The following ZFPM2 variants were observed in gnomAD, a reference collection of about 807,000 sequenced individuals.
The protein encoded by ZFPM2 is zinc finger protein ZFPM2.
In ZFPM2, 20 loss-of-function variants were observed where a neutral mutation model predicts 98.6. The ratio of observed to expected loss-of-function variants is 0.20; its 90% CI spans 0.14 to 0.29. The LOEUF (loss-of-function observed/expected upper bound fraction) is 0.29, where lower values mean the gene tolerates loss of function less well. Ranked by LOEUF, ZFPM2 falls within the 10% of genes least tolerant of loss-of-function variation. The pLI, the probability that ZFPM2 is intolerant of heterozygous loss-of-function variation, is 1.00. For missense variants in ZFPM2, 1,310 were observed against 1,388.6 expected (o/e 0.94, Z 0.90); for synonymous variants, 518 against 502.7 (o/e 1.03, Z -0.41).
At chr8:105,475,699 T>C (rs1249155448) in intron 3 of ZFPM2, among the ~76,000 whole-genome samples, 1 of 152,238 alleles carries the variant, frequency 6.6e-6, no homozygotes, top group Non-Finnish European at 1.5e-5. Context: ...GGTTTTTTCA[T>C]GTGAATAAGC....
rs755946545 is a variant in ZFPM2 at position 105,801,962 on chromosome 8, A to G, written c.1880A>G (p.Asn627Ser). 1.4e-5 allele frequency: 23 copies of G among 1,613,752 alleles called. No homozygotes were observed. The South Asian group carries it at 1.5e-4, about 11-fold the overall frequency. ...ENPLLQTSCI[N>S]SSTVLDLIGP... ...CCACTTCTTCAAACATCTTGCATCAATTCTTCCACTGTCTTAGATTTAATT... is the reference window on the plus strand; with the variant it reads ...CCACTTCTTCAAACATCTTGCATCAGTTCTTCCACTGTCTTAGATTTAATT... Residue 627 changes from asparagine to serine, a missense_variant, in exon 8 of 8, where the codon AAT (asparagine) becomes AGT (serine). Asn to Ser is a conservative substitution (Grantham distance 46). Transcript: ENST00000407775.
intron 3 of ZFPM2, 43 bp from the exon 4 acceptor site, chr8:105,561,320 G>T (rs1815129834): frequency 6.7e-7 from 1 of 1,495,982 alleles, no homozygotes; most frequent in South Asian, 1.1e-5. Context: ...TGCTGATAAA[G>T]TACAAGTAAG....
At chr8:105,578,463 A>G in intron 4 of ZFPM2, among the ~76,000 whole-genome samples, 1 of 152,076 alleles carries the variant, frequency 6.6e-6, no homozygotes, top group East Asian at 1.9e-4. Context: ...AATATCTTTT[A>G]TCATCAAACA....
chr8:105,791,100 T>A (rs2131143510), intron 6 of ZFPM2, among the ~76,000 whole-genome samples: 1 of 152,314 alleles, frequency 6.6e-6, no homozygotes, highest in East Asian at 1.9e-4. Flanking sequence ...CCTGCCTAAT[T>A]GCCCTGGCCA....
intron 1 of ZFPM2, among the ~76,000 whole-genome samples, chr8:105,393,567 C>T (rs958694691): frequency 3.3e-5 from 5 of 152,032 alleles, no homozygotes; most frequent in African/African-American, 1.2e-4. Flanking sequence ...AATGCAAAGA[C>T]AAATTTCAGC....
At position 105,801,843 on chromosome 8, in the gene ZFPM2, G is replaced by A; in HGVS notation, c.1761G>A (p.Val587=). ...CTAAGTCCCCAGAGTTCCCTAGTGT[G>A]TCAGAAAAGATGCCTGAAGCTTTGA... ...QMAKSPEFPS[V]SEKMPEALSP... Residue 587 remains valine (V), a synonymous_variant, in exon 8 of 8, where the codon GTG becomes GTA. Coordinates refer to ENST00000407775, the MANE Select transcript of ZFPM2 (RefSeq NM_012082.4). 1 of 1,613,976 alleles carries A rather than the reference G, an allele frequency of 6.2e-7. No individual in the cohort carries two copies. Among genetic ancestry groups the A allele is most frequent in the Non-Finnish European group, 8.5e-7 (1 of 1,179,868 alleles).
chr8:105,646,563 A>G (rs150529869), intron 5 of ZFPM2, among the ~76,000 whole-genome samples: 4 of 152,064 alleles, frequency 2.6e-5, no homozygotes, highest in Non-Finnish European at 4.4e-5. Flanking sequence ...TTATTTCTCA[A>G]TACTAAAGGC....
intron 3 of ZFPM2, among the ~76,000 whole-genome samples, chr8:105,549,599 ATC>A (rs368339123): frequency 1.2e-4 from 9 of 77,782 alleles, no homozygotes; most frequent in Non-Finnish European, 1.3e-4. Context: ...TCCTTCCTCT[ATC>A]TCTCTCTCTC....
intron 4 of ZFPM2, among the ~76,000 whole-genome samples, chr8:105,628,651 G>A (rs945272040): frequency 3.9e-5 from 6 of 152,176 alleles, no homozygotes; most frequent in Admixed American, 6.5e-5. Flanking sequence ...GTTTGATGGT[G>A]CAACTTTGGA....
chr8:105,687,933 T>C (rs991597663), intron 5 of ZFPM2, among the ~76,000 whole-genome samples: 2 of 151,984 alleles, frequency 1.3e-5, no homozygotes, highest in Non-Finnish European at 1.5e-5. Flanking sequence ...CTCTGAGGGC[T>C]AGAAAGGGCA....
intron 1 of ZFPM2, among the ~76,000 whole-genome samples, chr8:105,353,852 AGTT>A (rs1011512016): frequency 4.6e-5 from 7 of 152,144 alleles, no homozygotes; most frequent in African/African-American, 1.7e-4. Flanking sequence ...AATTATGAAA[AGTT>A]GTTTGTTTTT....
intron 2 of ZFPM2, among the ~76,000 whole-genome samples, chr8:105,441,616 G>T (rs1299421271): frequency 6.6e-6 from 1 of 151,964 alleles, no homozygotes; most frequent in Non-Finnish European, 1.5e-5. Flanking sequence ...GGGACAAGCA[G>T]AGAATGTCCA....
At chr8:105,768,400 G>A (rs10505082) in intron 5 of ZFPM2, among the ~76,000 whole-genome samples, 41,620 of 151,724 alleles carry the variant, frequency 0.27, 7,375 homozygotes, top group African/African-American at 0.49. Flanking sequence ...CACTAGAACT[G>A]CCTTGTTGCC....
At chr8:105,403,326 T>C (rs1237684224) in intron 1 of ZFPM2, among the ~76,000 whole-genome samples, 2 of 152,076 alleles carry the variant, frequency 1.3e-5, no homozygotes, top group Non-Finnish European at 1.5e-5. Flanking sequence ...TTTTCTTTAC[T>C]ACCTCTCATC....
At chr8:105,741,931 A>G (rs767254309) in intron 5 of ZFPM2, among the ~76,000 whole-genome samples, 3 of 152,046 alleles carry the variant, frequency 2.0e-5, no homozygotes, top group Non-Finnish European at 2.9e-5. Context: ...AGGGCTTATG[A>G]TGAGGGACAC....
chr8:105,337,741 T>G (rs1178277415), intron 1 of ZFPM2, among the ~76,000 whole-genome samples: 2 of 124,766 alleles, frequency 1.6e-5, no homozygotes, highest in Admixed American at 9.0e-5. Context: ...TTCTTTTTGG[T>G]CATAGTTCAT....
chr8:105,416,785 G>A (rs1215535424), intron 1 of ZFPM2, among the ~76,000 whole-genome samples: 4 of 152,018 alleles, frequency 2.6e-5, no homozygotes, highest in Non-Finnish European at 5.9e-5. Context: ...TTGGGGAGGT[G>A]TCTAATATTT....
At chr8:105,761,934 T>C (rs1812742204) in intron 5 of ZFPM2, among the ~76,000 whole-genome samples, 1 of 151,954 alleles carries the variant, frequency 6.6e-6, no homozygotes, top group Non-Finnish European at 1.5e-5. Context: ...GGATATGCTT[T>C]AGGAAAAGCA....
chr8:105,585,655 A>T (rs1278245872), intron 4 of ZFPM2, among the ~76,000 whole-genome samples: 1 of 152,174 alleles, frequency 6.6e-6, no homozygotes, highest in Admixed American at 6.5e-5. Flanking sequence ...TAAATGTGCA[A>T]TTACTATACA....
Sources: gnomAD v4.1 joint callset for allele counts (sites outside exome capture counted in the v4.1 genomes callset) on GRCh38, gnomAD v4.1.1 for gene constraint, MANE v1.5 for transcripts, NCBI Gene and HGNC (gene_info 2026-07-23, HGNC 2026-07-21) for gene names.